The following GOLT1A variants were observed in gnomAD, a reference collection of about 807,000 sequenced individuals.
GOLT1A encodes the protein vesicle transport protein GOT1A.
GOLT1A carries 10 observed loss-of-function variants against 16.1 expected under a neutral mutation model. The observed-to-expected ratio is 0.62, with a 90% confidence interval of 0.38 to 1.05. The LOEUF (loss-of-function observed/expected upper bound fraction) is 1.05. Ranked by LOEUF, GOLT1A falls within the 50% of genes least tolerant of loss-of-function variation. The pLI is 0.01. For missense variants in GOLT1A, 137 were observed against 165.7 expected (o/e 0.83, Z 0.95); for synonymous variants, 60 against 67.9 (o/e 0.88, Z 0.57).
rs755462389 is a variant in GOLT1A, at chr1:204,201,817, G to A, written c.118-6C>T. On this transcript the variant is annotated splice_polypyrimidine_tract_variant and splice_region_variant and intron_variant, in intron 2 of 4. Coordinates refer to ENST00000308302, the MANE Select transcript of GOLT1A (RefSeq NM_198447.2). ...AGGCCCGTCAGGAACAGCAGCTGTA[G>A]GGGAGGGAGGGGAGCATGAAGCAAA... The A allele has an allele frequency of 7.4e-6, 12 of 1,613,046 alleles. No homozygotes were observed. Among genetic ancestry groups the A allele is most frequent in the Non-Finnish European group, 6.8e-6 (8 of 1,179,368 alleles).
rs539903833 is a variant in GOLT1A, at chr1:204,213,875, C to T, written c.25+7G>A. 363 of 1,613,060 alleles carry T rather than the reference C, an allele frequency of 2.3e-4. No individual in the cohort carries two copies. The South Asian group carries it at 3.6e-3, about 16-fold the overall frequency. Reference sequence around the variant, plus strand: ...TAGCCCATTGCAGCCCCGCTCATCCCACTTACTCTGCCATTCGGTGATGGA... The same window carrying T: ...TAGCCCATTGCAGCCCCGCTCATCCTACTTACTCTGCCATTCGGTGATGGA... On this transcript the variant is annotated splice_region_variant and intron_variant, in intron 1 of 4. Transcript: ENST00000308302.
chr1:204,205,372 G>C (rs748515085), intron 1 of GOLT1A, among the ~76,000 whole-genome samples: 2 of 152,136 alleles, frequency 1.3e-5, no homozygotes, highest in Admixed American at 1.3e-4. Flanking sequence ...TGCATCTTTT[G>C]CATGTGGATA....
chr1:204,208,476 G>GTGTGTATATATATATA (rs1286299770), intron 1 of GOLT1A, among the ~76,000 whole-genome samples: 4 of 39,950 alleles, frequency 1.0e-4, no homozygotes, highest in African/African-American at 3.1e-4. Context: ...GTGTGTGTGT[G>GTGTGTATATATATATA]TATATATATA....
intron 1 of GOLT1A, among the ~76,000 whole-genome samples, chr1:204,213,386 T>C (rs1283367470): frequency 7.3e-6 from 1 of 136,688 alleles, no homozygotes; most frequent in East Asian, 2.0e-4. Context: ...GTTCTTCCCA[T>C]GGCCCCAGAC....
chr1:204,201,324 C>T lies in GOLT1A; in HGVS notation c.296+309G>A, dbSNP rs145813980. ...CATGAGTGTGCCTGGAACATGTTAG[C>T]TCACTGCCCTTCCTCTCCGGCTGGA... On this transcript the variant is annotated intron_variant, in intron 3 of 4. Transcript: ENST00000308302. Among the ~76,000 whole-genome samples the T allele has an allele frequency of 3.8e-3, 584 of 152,334 alleles. 5 individuals carry two copies. The highest frequency in any genetic ancestry group is 0.012 in the African/African-American group (508 of 41,576).
chr1:204,201,533 T>C, intron 3 of GOLT1A, 100 bp downstream of exon 3: 1 of 1,237,916 alleles, frequency 8.1e-7, no homozygotes, highest in Non-Finnish European at 1.1e-6. Context: ...TCTCATCTCT[T>C]GCAGGATAAA....
rs1659009293 is a variant in GOLT1A, at chr1:204,204,328, AACC to A, written c.26-1344_26-1342del. 2.6e-5 allele frequency among the ~76,000 whole-genome samples: 4 copies of A among 152,228 alleles called. No homozygotes were observed. In the South Asian group the frequency reaches 8.3e-4, roughly 32 times the overall value. ...CATTCCCCTCCCACCAGCCTCCAAC[AACC>A]ACCATTTTACTTTCTCTATGAATTT... On this transcript the variant is annotated intron_variant, in intron 1 of 4. Coordinates refer to ENST00000308302, the MANE Select transcript of GOLT1A (RefSeq NM_198447.2).
chr1:204,211,824 G>C (rs1304665148), intron 1 of GOLT1A, among the ~76,000 whole-genome samples: 1 of 152,124 alleles, frequency 6.6e-6, no homozygotes, highest in Non-Finnish European at 1.5e-5. Flanking sequence ...TCACAACTTG[G>C]AGTGGGGGTG....
intron 1 of GOLT1A, among the ~76,000 whole-genome samples, chr1:204,212,282 T>C (rs973101775): frequency 6.6e-6 from 1 of 152,210 alleles, no homozygotes; most frequent in Non-Finnish European, 1.5e-5. Context: ...AGATCCAGCA[T>C]GGACCACGCC....
At chr1:204,213,744 G>A in intron 1 of GOLT1A, 138 bp downstream of exon 1, 1 of 936,912 alleles carries the variant, frequency 1.1e-6, no homozygotes, top group South Asian at 1.7e-5. Context: ...TGCTGCCCCA[G>A]GGTGCCAGCA....
chr1:204,206,141 A>G (rs188792873), intron 1 of GOLT1A, among the ~76,000 whole-genome samples: 1 of 152,258 alleles, frequency 6.6e-6, no homozygotes, highest in Non-Finnish European at 1.5e-5. Flanking sequence ...ACCTTGCTCA[A>G]CTCATAGTCT....
At chr1:204,209,435 C>T (rs1287541525) in intron 1 of GOLT1A, among the ~76,000 whole-genome samples, 2 of 152,142 alleles carry the variant, frequency 1.3e-5, no homozygotes, top group African/African-American at 2.4e-5. Context: ...CTCTGGGCAC[C>T]GCCTTCTCTG....
At chr1:204,200,690 C>G (rs189140693) in intron 3 of GOLT1A, among the ~76,000 whole-genome samples, 233 of 152,164 alleles carry the variant, frequency 1.5e-3, no homozygotes, top group African/African-American at 5.4e-3. Context: ...AACTTTAAAG[C>G]CACACTTCCC....
In GOLT1A at chr1:204,208,458, ACTTGTGTGTGTGTGTGTG is replaced by A. The variant is rs1557987253; in HGVS notation, c.25+5406_25+5423del. On this transcript the variant is annotated intron_variant, in intron 1 of 4. Coordinates refer to ENST00000308302, the MANE Select transcript of GOLT1A (RefSeq NM_198447.2). The stretch of plus-strand genomic sequence containing the variant: ...TATACATATGTGTGTATATATGTAT[ACTTGTGTGTGTGTGTGTG>A]TATATATATATATATATATATATAT... Among the ~76,000 whole-genome samples, 265 of 58,376 alleles carry A rather than the reference ACTTGTGTGTGTGTGTGTG, an allele frequency of 4.5e-3. 1 individual carries two copies. The highest frequency in any genetic ancestry group is 4.9e-3 in the Non-Finnish European group (127 of 25,690). 38.3% of individuals were successfully genotyped at this position (58,376 alleles called of 152,430 possible).
In GOLT1A at chr1:204,201,637, A is replaced by G; in HGVS notation, c.292T>C (p.Phe98Leu). The change falls in exon 3 of 5, where the codon TTT becomes CTT. Residue 98 changes from phenylalanine to leucine, a missense_variant. By Grantham distance (22) the Phe-to-Leu change is conservative (BLOSUM62 0). Coordinates refer to ENST00000308302, the MANE Select transcript of GOLT1A (RefSeq NM_198447.2). ...GTTATAGGGATTTGCACTCACTTAA[A>G]GAGGCTGAAGAATCCGTAGGTTTCC... ...FLETYGFFSL[F>L]KGFFPVAFGF... The G allele has an allele frequency of 5.0e-6, 8 of 1,614,088 alleles. No individual in the cohort carries two copies. Among genetic ancestry groups the G allele is most frequent in the Non-Finnish European group, 6.8e-6 (8 of 1,179,962 alleles).
At chr1:204,199,993 T>G (rs1414434710) in intron 3 of GOLT1A, among the ~76,000 whole-genome samples, 2 of 152,144 alleles carry the variant, frequency 1.3e-5, no homozygotes, top group African/African-American at 2.4e-5. Context: ...CACTGCACTC[T>G]GAGGTCCCTG....
chr1:204,207,672 C>T (rs1234482496), intron 1 of GOLT1A, among the ~76,000 whole-genome samples: 2 of 152,214 alleles, frequency 1.3e-5, no homozygotes, highest in African/African-American at 2.4e-5. Flanking sequence ...AGTCTCAGAA[C>T]ATCATCGTCT....
chr1:204,212,758 T>C (rs1659158491), intron 1 of GOLT1A, among the ~76,000 whole-genome samples: 1 of 151,338 alleles, frequency 6.6e-6, no homozygotes, highest in South Asian at 2.1e-4. Context: ...TATCACACCA[T>C]AGCACAAAAC....
Position 204,200,299 on chromosome 1 carries a change from G to GTGTGTATATATATATATATA in GOLT1A, c.297-1042_297-1041insTATATATATATATATACACA. 3.1e-4 allele frequency among the ~76,000 whole-genome samples: 26 copies of GTGTGTATATATATATATATA among 82,662 alleles called. 1 individual carries two copies. The highest frequency in any genetic ancestry group is 1.8e-3 in the South Asian group (5 of 2,790). 54.2% of individuals were successfully genotyped at this position (82,662 alleles called of 152,430 possible). On this transcript the variant is annotated intron_variant, in intron 3 of 4. Transcript: ENST00000308302. ...GACTGTTTGAAAATGACATATATGTGTATATATATATATATATATATGTTT... is the reference window on the plus strand; with the variant it reads ...GACTGTTTGAAAATGACATATATGTGTGTGTATATATATATATATATATATATATATATATATATATGTTT...
Sources: gnomAD v4.1 joint callset for allele counts (sites outside exome capture counted in the v4.1 genomes callset) on GRCh38, gnomAD v4.1.1 for gene constraint, MANE v1.5 for transcripts, NCBI Gene and HGNC (gene_info 2026-07-23, HGNC 2026-07-21) for gene names.